Variants in RABGAP1 observed in about 807,000 individuals in gnomAD.
RABGAP1 encodes RAB GTPase activating protein 1.
In RABGAP1, 23 loss-of-function variants were observed where a neutral mutation model predicts 137.6. That is an observed-to-expected ratio of 0.17 (90% CI 0.12 to 0.24). RABGAP1 has a LOEUF of 0.24. Among genes scored for constraint, RABGAP1 ranks in the 10% least tolerant of loss-of-function variants. The pLI is 1.00. For missense variants in RABGAP1, 906 were observed against 1,275.8 expected, an observed-to-expected ratio of 0.71 and a Z score of 4.42; for synonymous variants, 451 against 450.7, an observed-to-expected ratio of 1.00 and a Z score of -0.01.
chr9:122,964,315 A>G (rs2131652998), intron 2 of RABGAP1, among the ~76,000 whole-genome samples: 1 of 152,322 alleles, frequency 6.6e-6, no homozygotes, highest in African/African-American at 2.4e-5. Flanking sequence ...AATCCTTGAA[A>G]TACTAGCAAA....
At chr9:122,972,654 G>A (rs1018439782) in intron 2 of RABGAP1, among the ~76,000 whole-genome samples, 13 of 152,158 alleles carry the variant, frequency 8.5e-5, no homozygotes, top group Non-Finnish European at 1.6e-4. Flanking sequence ...TTCTCTGGCC[G>A]TATTTAATTT....
intron 13 of RABGAP1, among the ~76,000 whole-genome samples, chr9:123,022,050 T>C (rs2031673754): frequency 6.6e-6 from 1 of 152,262 alleles, no homozygotes; most frequent in Non-Finnish European, 1.5e-5. Flanking sequence ...ATAACATGTA[T>C]ATCTAGCAGA....
intron 1 of RABGAP1, among the ~76,000 whole-genome samples, chr9:122,948,847 C>T (rs1834073124): frequency 1.3e-5 from 2 of 152,186 alleles, no homozygotes; most frequent in Non-Finnish European, 2.9e-5. Flanking sequence ...TTGTTTTCCT[C>T]ATATTACTTA....
chr9:123,084,315 A>G (rs539678648), intron 19 of RABGAP1, among the ~76,000 whole-genome samples: 3 of 152,352 alleles, frequency 2.0e-5, no homozygotes, highest in African/African-American at 7.2e-5. Flanking sequence ...GACTTGTGTC[A>G]GATTTCTTTA....
intron 25 of RABGAP1, 32 bp downstream of exon 25, chr9:123,101,795 C>A: frequency 6.5e-7 from 1 of 1,534,988 alleles, no homozygotes. Context: ...CATGTGCCTG[C>A]GGGCTGGGTT....
chr9:123,080,763 G>A (rs531869888), intron 19 of RABGAP1, among the ~76,000 whole-genome samples: 1 of 152,110 alleles, frequency 6.6e-6, no homozygotes, highest in African/African-American at 2.4e-5. Context: ...ACTTTTTCAT[G>A]TGGAATTTAC....
chr9:123,093,658 C>T (rs1043386265), intron 21 of RABGAP1, among the ~76,000 whole-genome samples: 9 of 152,200 alleles, frequency 5.9e-5, no homozygotes, highest in East Asian at 1.9e-4. Context: ...CTGTCTGCTC[C>T]GTCTGTTTCT....
chr9:123,077,402 T>C (rs946555314), intron 19 of RABGAP1, among the ~76,000 whole-genome samples: 3 of 152,108 alleles, frequency 2.0e-5, no homozygotes, highest in African/African-American at 4.8e-5. Context: ...TCCTCCCACA[T>C]TGGCCTCCTA....
chr9:122,967,496 G>A (rs546861603), intron 2 of RABGAP1, among the ~76,000 whole-genome samples: 13 of 152,330 alleles, frequency 8.5e-5, no homozygotes, highest in East Asian at 1.9e-4. Context: ...TCTCCTGTGC[G>A]TAAGTAGAAC....
chr9:123,068,794 C>A (rs1449641051), intron 14 of RABGAP1, among the ~76,000 whole-genome samples: 2 of 152,144 alleles, frequency 1.3e-5, no homozygotes, highest in African/African-American at 4.8e-5. Context: ...TATAGTTTCA[C>A]CAAAGCTAGT....
At chr9:122,949,711 A>AT (rs397950624) in intron 1 of RABGAP1, among the ~76,000 whole-genome samples, 1 of 148,900 alleles carries the variant, frequency 6.7e-6, no homozygotes, top group Non-Finnish European at 1.5e-5. Flanking sequence ...AAAAAAAAAA[A>AT]GGAAAAAAAA....
chr9:123,053,821 A>G (rs1052459351), intron 13 of RABGAP1, among the ~76,000 whole-genome samples: 2 of 152,124 alleles, frequency 1.3e-5, no homozygotes, highest in Non-Finnish European at 2.9e-5. Context: ...CTTCCACTGC[A>G]TTTTCTTTGT....
chr9:123,038,488 C>G (rs1044795778), intron 13 of RABGAP1, among the ~76,000 whole-genome samples: 6 of 147,744 alleles, frequency 4.1e-5, no homozygotes, highest in Admixed American at 1.4e-4. Context: ...CTCAGCTTTT[C>G]AGGTTTGTTT....
At chr9:122,946,028 G>A (rs904369681) in intron 1 of RABGAP1, 1 of 152,140 alleles carries the variant, frequency 6.6e-6, no homozygotes, top group Non-Finnish European at 1.5e-5. Context: ...GGGGAAAAGA[G>A]TAGAACAAGG....
At chr9:123,047,715 A>G (rs554262797) in intron 13 of RABGAP1, among the ~76,000 whole-genome samples, 2 of 152,164 alleles carry the variant, frequency 1.3e-5, no homozygotes, top group East Asian at 3.9e-4. Context: ...ATTCAAAATT[A>G]AAATAAAGGT....
At chr9:122,946,175 A>G (rs539611580) in intron 1 of RABGAP1, 3 of 152,226 alleles carry the variant, frequency 2.0e-5, no homozygotes, top group Non-Finnish European at 2.9e-5. Flanking sequence ...TCTTCTGCCA[A>G]ACATTCATGG....
intron 19 of RABGAP1, among the ~76,000 whole-genome samples, chr9:123,080,264 T>C (rs1017172660): frequency 1.3e-5 from 2 of 152,184 alleles, no homozygotes; most frequent in Non-Finnish European, 2.9e-5. Context: ...ATATATTTTG[T>C]GCTTAGATAT....
intron 1 of RABGAP1, among the ~76,000 whole-genome samples, 180 bp downstream of exon 1, chr9:122,941,273 G>A (rs549552157): frequency 6.6e-6 from 1 of 152,308 alleles, no homozygotes; most frequent in Admixed American, 6.5e-5. Flanking sequence ...TTGGGGGGAG[G>A]GGGAACTGCG....
chr9:123,099,672 TCA>T, intron 24 of RABGAP1, 123 bp downstream of exon 24: 1 of 765,694 alleles, frequency 1.3e-6, no homozygotes, highest in Non-Finnish European at 2.2e-6. Context: ...AAGGCACCTG[TCA>T]CAGGTCCTGG....
Sources: allele counts gnomAD v4.1 joint callset (sites outside exome capture counted in the v4.1 genomes callset), GRCh38; gene constraint gnomAD v4.1.1; transcripts MANE v1.5; gene names NCBI Gene and HGNC (gene_info 2026-07-23, HGNC 2026-07-21).